Variants in CFAP299 observed in about 807,000 individuals in gnomAD.
CFAP299 encodes the protein cilia- and flagella-associated protein 299.
Under a neutral mutation model 27.0 loss-of-function variants are expected in CFAP299, and 21 were observed. The observed-to-expected ratio is 0.78, with a 90% CI of 0.55 to 1.12. The LOEUF is 1.12. CFAP299 is among the 50% of genes most tolerant of loss of function. The pLI is 0.00. For synonymous variants in CFAP299, 104 were observed against 98.1 expected (o/e 1.06, Z -0.36); for missense variants, 310 against 276.6 (o/e 1.12, Z -0.86).
chr4:80,860,490 T>G (rs1481571069), intron 3 of CFAP299, among the ~76,000 whole-genome samples: 2 of 152,222 alleles, frequency 1.3e-5, no homozygotes, highest in Non-Finnish European at 1.5e-5. Context: ...TGCTCTGCTT[T>G]GTAGAGTTGC....
chr4:80,893,305 CTAAA>C (rs1034116529), intron 4 of CFAP299, among the ~76,000 whole-genome samples: 2 of 151,596 alleles, frequency 1.3e-5, no homozygotes, highest in African/African-American at 4.8e-5. Context: ...TTTATACTTC[CTAAA>C]TAATCTACAG....
At chr4:80,854,621 A>T (rs1731718980) in intron 3 of CFAP299, among the ~76,000 whole-genome samples, 1 of 151,936 alleles carries the variant, frequency 6.6e-6, no homozygotes, top group Admixed American at 6.6e-5. Context: ...CGGAAGACAC[A>T]GTGGCTCTGT....
intron 3 of CFAP299, among the ~76,000 whole-genome samples, chr4:80,710,950 T>C (rs1722127171): frequency 6.6e-6 from 1 of 152,122 alleles, no homozygotes; most frequent in African/African-American, 2.4e-5. Context: ...CAGGTAAACC[T>C]CCAGAGTGAC....
At position 80,906,779 on chromosome 4, in the gene CFAP299, G is replaced by A. The variant is rs570991640; in HGVS notation, c.476+36644G>A. On this transcript the variant is annotated intron_variant, in intron 4 of 5. Coordinates refer to ENST00000358105, the MANE Select transcript of CFAP299 (RefSeq NM_152770.3). ...GGGACACAGAGCACCATGTCTCAAG[G>A]CTCCATAGAACAGGGGACCCTGGGC... Among the ~76,000 whole-genome samples, 62 of 152,080 alleles carry A rather than the reference G, an allele frequency of 4.1e-4. 1 individual carries two copies. The highest frequency in any genetic ancestry group is 8.7e-4 in the Non-Finnish European group (59 of 68,006).
At chr4:80,716,632 CTTTA>C (rs1253179343) in intron 3 of CFAP299, among the ~76,000 whole-genome samples, 1 of 152,064 alleles carries the variant, frequency 6.6e-6, no homozygotes, top group Admixed American at 6.6e-5. Flanking sequence ...TAGCTTACTT[CTTTA>C]TTTATAATGC....
chr4:80,343,643 G>A (rs1420446721), intron 1 of CFAP299, among the ~76,000 whole-genome samples: 1 of 151,608 alleles, frequency 6.6e-6, no homozygotes, highest in African/African-American at 2.4e-5. Flanking sequence ...CAAAAAATTA[G>A]CCAGGCGCGG....
chr4:80,782,598 TA>T (rs1361698450), intron 3 of CFAP299, among the ~76,000 whole-genome samples: 3 of 129,138 alleles, frequency 2.3e-5, no homozygotes, highest in South Asian at 2.3e-4. Context: ...TATTCATATA[TA>T]ATATACATAT....
At chr4:80,546,757 A>G (rs371595546) in intron 2 of CFAP299, among the ~76,000 whole-genome samples, 2 of 152,102 alleles carry the variant, frequency 1.3e-5, no homozygotes, top group Admixed American at 1.3e-4. Flanking sequence ...TTTGCCTTAC[A>G]CCATGAGTAA....
intron 2 of CFAP299, among the ~76,000 whole-genome samples, chr4:80,536,249 G>A (rs1380055502): frequency 6.6e-6 from 1 of 152,120 alleles, no homozygotes; most frequent in Non-Finnish European, 1.5e-5. Flanking sequence ...ATTTCAGTAG[G>A]ATCTGAATTA....
At chr4:80,430,003 G>A (rs1032310193) in intron 2 of CFAP299, among the ~76,000 whole-genome samples, 2 of 151,814 alleles carry the variant, frequency 1.3e-5, no homozygotes, top group Admixed American at 6.6e-5. Context: ...TTTCCAATTG[G>A]TGCTATCTAG....
intron 2 of CFAP299, among the ~76,000 whole-genome samples, chr4:80,447,541 TCCTGCCTCAGCTTGTAGCGGTTCC>T (rs1443328178): frequency 6.6e-6 from 1 of 152,096 alleles, no homozygotes; most frequent in Non-Finnish European, 1.5e-5. Flanking sequence ...CAAGCGGTTC[TCCTGCCTCAGCTTGTAGCGGTTCC>T]CCTGCCTCAG....
At chr4:80,760,447 G>A (rs1255327451) in intron 3 of CFAP299, among the ~76,000 whole-genome samples, 3 of 152,096 alleles carry the variant, frequency 2.0e-5, no homozygotes, top group East Asian at 1.9e-4. Flanking sequence ...CCATAATAAC[G>A]CTGAAAGTGT....
intron 2 of CFAP299, among the ~76,000 whole-genome samples, chr4:80,531,962 G>C (rs1470447171): frequency 1.3e-5 from 2 of 151,864 alleles, no homozygotes; most frequent in Non-Finnish European, 2.9e-5. Context: ...TCCATTGTCG[G>C]TCAGGCTAGT....
rs141465834 is a variant in CFAP299, at chr4:80,854,636, ATTGT to A, written c.334-15352_334-15349del. On this transcript the variant is annotated intron_variant, in intron 3 of 5. Transcript: ENST00000358105. ...CGGAAGACACAGTGGCTCTGTTCTG[ATTGT>A]TTGTATTTCCAGAGAGAAAATAATT... 2.2e-3 allele frequency among the ~76,000 whole-genome samples: 333 copies of A among 150,862 alleles called. 11 individuals are homozygous for A. In the East Asian group the frequency reaches 0.061, roughly 28 times the overall value.
chr4:80,678,619 A>G (rs1719629676), intron 3 of CFAP299, among the ~76,000 whole-genome samples: 1 of 152,084 alleles, frequency 6.6e-6, no homozygotes, highest in Non-Finnish European at 1.5e-5. Context: ...TCCTGCTGCC[A>G]TAACCACTCT....
chr4:80,443,851 A>G (rs1728485183), intron 2 of CFAP299, among the ~76,000 whole-genome samples: 1 of 152,218 alleles, frequency 6.6e-6, no homozygotes. Context: ...TAGAAAGTCA[A>G]TGTGCAAAAA....
intron 2 of CFAP299, among the ~76,000 whole-genome samples, chr4:80,534,417 C>T (rs983811160): frequency 6.6e-6 from 1 of 151,086 alleles, no homozygotes; most frequent in African/African-American, 2.4e-5. Context: ...GATATTCCAT[C>T]TCATCTAGCT....
At chr4:80,672,275 T>A (rs138781585) in intron 3 of CFAP299, among the ~76,000 whole-genome samples, 5,041 of 152,280 alleles carry the variant, frequency 0.033, 124 homozygotes, top group Non-Finnish European at 0.05. Context: ...GTGGTTTTTG[T>A]CATTGGTTCT....
chr4:80,606,273 A>G (rs1351024188), intron 3 of CFAP299, among the ~76,000 whole-genome samples: 1 of 152,196 alleles, frequency 6.6e-6, no homozygotes, highest in East Asian at 1.9e-4. Context: ...GTGGTGGCTC[A>G]CGCTTGTAAT....
Sources: allele counts gnomAD v4.1 joint callset (sites outside exome capture counted in the v4.1 genomes callset), GRCh38; gene constraint gnomAD v4.1.1; transcripts MANE v1.5; gene names NCBI Gene and HGNC (gene_info 2026-07-23, HGNC 2026-07-21).